SUPT3H: variants seen among roughly 807,000 people sequenced by gnomAD.
The protein encoded by SUPT3H is SPT3 homolog, SAGA and STAGA complex component.
A neutral mutation model predicts 44.3 loss-of-function variants in SUPT3H; 44 were observed. The ratio of observed to expected loss-of-function variants is 0.99; its 90% CI spans 0.78 to 1.28. The LOEUF is 1.28. SUPT3H is among the 50% of genes most tolerant of loss of function. SUPT3H has a pLI of 0.00. For synonymous variants in SUPT3H, 124 were observed against 125.6 expected, an observed-to-expected ratio of 0.99 and a Z score of 0.09; for missense variants, 380 against 387.1, an observed-to-expected ratio of 0.98 and a Z score of 0.15.
intron 3 of SUPT3H, among the ~76,000 whole-genome samples, chr6:45,071,677 G>A (rs1455853524): frequency 1.4e-5 from 2 of 139,448 alleles, no homozygotes; most frequent in Admixed American, 7.7e-5. Flanking sequence ...GTCCTACTGA[G>A]AACATTGATC....
intron 9 of SUPT3H, among the ~76,000 whole-genome samples, chr6:44,948,867 T>C (rs1158326377): frequency 3.9e-5 from 6 of 152,252 alleles, no homozygotes; most frequent in African/African-American, 1.4e-4. Context: ...GAAATACCAT[T>C]TGACCCAGCC....
At chr6:44,903,196 G>A (rs1355150952) in intron 10 of SUPT3H, among the ~76,000 whole-genome samples, 3 of 152,258 alleles carry the variant, frequency 2.0e-5, no homozygotes, top group Middle Eastern at 6.8e-3. Context: ...AGGACTGAAG[G>A]AGATAGAGAC....
intron 10 of SUPT3H, among the ~76,000 whole-genome samples, chr6:44,901,398 T>C (rs1427421346): frequency 6.6e-6 from 1 of 152,120 alleles, no homozygotes; most frequent in African/African-American, 2.4e-5. Context: ...GTAGCCGATA[T>C]GATCGACTGG....
intron 2 of SUPT3H, among the ~76,000 whole-genome samples, chr6:45,144,948 G>C (rs1487922532): frequency 1.3e-5 from 2 of 151,870 alleles, no homozygotes; most frequent in Non-Finnish European, 2.9e-5. Context: ...AAAATACTTA[G>C]GAATATACCT....
chr6:45,275,179 A>AG (rs1776815190), intron 2 of SUPT3H, among the ~76,000 whole-genome samples: 1 of 152,186 alleles, frequency 6.6e-6, no homozygotes, highest in South Asian at 2.1e-4. Context: ...AACATCACAA[A>AG]ATAAACTGGG....
intron 10 of SUPT3H, among the ~76,000 whole-genome samples, chr6:44,884,649 T>C (rs999639119): frequency 2.6e-5 from 4 of 152,120 alleles, no homozygotes; most frequent in African/African-American, 9.7e-5. Context: ...GATGGCCGAA[T>C]AGGAACAGCT....
intron 3 of SUPT3H, among the ~76,000 whole-genome samples, chr6:45,041,638 A>G (rs1788547062): frequency 6.6e-6 from 1 of 152,220 alleles, no homozygotes; most frequent in Admixed American, 6.5e-5. Flanking sequence ...AGAAATTTCC[A>G]GGAGCAGCTG....
chr6:44,942,831 T>G (rs1772681049), intron 9 of SUPT3H, among the ~76,000 whole-genome samples: 1 of 152,154 alleles, frequency 6.6e-6, no homozygotes, highest in East Asian at 1.9e-4. Context: ...TTGCTGCCAC[T>G]GAAGAGGAGT....
At chr6:45,272,530 G>A (rs9395088) in intron 2 of SUPT3H, among the ~76,000 whole-genome samples, 87,943 of 152,036 alleles carry the variant, frequency 0.58, 26,239 homozygotes, top group African/African-American at 0.73. Flanking sequence ...GTCCAGTCTC[G>A]GATATATCTT....
At chr6:45,351,726 C>T (rs1023701787) in intron 2 of SUPT3H, among the ~76,000 whole-genome samples, 1 of 152,146 alleles carries the variant, frequency 6.6e-6, no homozygotes, top group African/African-American at 2.4e-5. Context: ...TCCCAACCAG[C>T]CCAAAGTTAG....
chr6:45,172,896 T>C (rs1474136426), intron 2 of SUPT3H, among the ~76,000 whole-genome samples: 1 of 150,962 alleles, frequency 6.6e-6, no homozygotes, highest in East Asian at 1.9e-4. Context: ...GGCCCAGATA[T>C]TTTTAAAAAT....
intron 2 of SUPT3H, among the ~76,000 whole-genome samples, chr6:45,165,777 G>A (rs574985912): frequency 6.6e-6 from 1 of 151,494 alleles, no homozygotes; most frequent in Non-Finnish European, 1.5e-5. Context: ...AAAGACAAGT[G>A]AACAAAAGTG....
chr6:44,847,958 CTTTTTTTTTTTTT>C (rs969869912), intron 10 of SUPT3H, among the ~76,000 whole-genome samples: 10 of 58,392 alleles, frequency 1.7e-4, no homozygotes, highest in South Asian at 6.6e-4. Context: ...ATCTCTGTGT[CTTTTTTTTTTTTT>C]TTTTTTTTTT....
At chr6:44,811,903 T>G (rs1766557910) in intron 11 of SUPT3H, among the ~76,000 whole-genome samples, 1 of 152,124 alleles carries the variant, frequency 6.6e-6, no homozygotes, top group African/African-American at 2.4e-5. Context: ...TTCCTATGCT[T>G]TCACTTTCCT....
chr6:45,270,120 T>C (rs1775883090), intron 2 of SUPT3H, among the ~76,000 whole-genome samples: 2 of 152,156 alleles, frequency 1.3e-5, no homozygotes, highest in South Asian at 2.1e-4. Flanking sequence ...TAATGGAAAA[T>C]GTAATTGAAA....
At chr6:45,065,553 A>G (rs1028268436) in intron 3 of SUPT3H, among the ~76,000 whole-genome samples, 8 of 151,888 alleles carry the variant, frequency 5.3e-5, no homozygotes, top group African/African-American at 1.9e-4. Context: ...CAAAATTGAT[A>G]GACCACTAGC....
At chr6:45,179,423 C>G (rs950962093) in intron 2 of SUPT3H, among the ~76,000 whole-genome samples, 2 of 152,052 alleles carry the variant, frequency 1.3e-5, no homozygotes, top group Non-Finnish European at 2.9e-5. Context: ...GAGACACAAC[C>G]AAATAGGAGA....
At chr6:44,999,710 A>G (rs1359188135) in intron 6 of SUPT3H, among the ~76,000 whole-genome samples, 1 of 152,006 alleles carries the variant, frequency 6.6e-6, no homozygotes, top group African/African-American at 2.4e-5. Flanking sequence ...GGTGTGTTCT[A>G]GTCTCCACAA....
intron 10 of SUPT3H, among the ~76,000 whole-genome samples, chr6:44,834,615 C>T (rs1404141064): frequency 6.6e-6 from 1 of 152,036 alleles, no homozygotes; most frequent in Non-Finnish European, 1.5e-5. Flanking sequence ...TTCCTCTGGC[C>T]CCATTCTTAA....
Sources: gnomAD v4.1 joint callset for allele counts (sites outside exome capture counted in the v4.1 genomes callset) on GRCh38, gnomAD v4.1.1 for gene constraint, MANE v1.5 for transcripts, NCBI Gene and HGNC (gene_info 2026-07-23, HGNC 2026-07-21) for gene names.